Variants in IGSF11 observed in about 807,000 individuals in gnomAD.
The protein encoded by IGSF11 is CXADR like 1.
Under a neutral mutation model 41.0 loss-of-function variants are expected in IGSF11, and 22 were observed. That is an observed-to-expected ratio of 0.54 (90% CI 0.38 to 0.77). The LOEUF (loss-of-function observed/expected upper bound fraction) is 0.77, where lower values mean the gene tolerates loss of function less well. Ranked by LOEUF, IGSF11 falls within the 30% of genes least tolerant of loss-of-function variation. The probability of loss-of-function intolerance (pLI) is 0.00; values close to 1 mark genes in which losing one functional copy is unlikely to be tolerated. For synonymous variants in IGSF11, 219 were observed against 201.3 expected (o/e 1.09, Z -0.74); for missense variants, 444 against 530.8 (o/e 0.84, Z 1.61).
intron 1 of IGSF11, among the ~76,000 whole-genome samples, chr3:118,990,833 T>A (rs1353917315): frequency 1.3e-5 from 2 of 152,188 alleles, no homozygotes; most frequent in Admixed American, 6.5e-5. Flanking sequence ...AGAGAAATCC[T>A]GTGGGTTCAG....
At chr3:118,971,022 C>G (rs1933351674) in intron 1 of IGSF11, among the ~76,000 whole-genome samples, 1 of 152,186 alleles carries the variant, frequency 6.6e-6, no homozygotes, top group South Asian at 2.1e-4. Context: ...CCTGCCAAAG[C>G]CCAGGGGTGA....
At chr3:119,116,837 G>T (rs1015815319) in intron 1 of IGSF11, among the ~76,000 whole-genome samples, 1 of 152,008 alleles carries the variant, frequency 6.6e-6, no homozygotes, top group Non-Finnish European at 1.5e-5. Context: ...TCTCCACCTG[G>T]ACCTGATGGC....
At chr3:119,107,746 C>T (rs1158468171), upstream of IGSF11, among the ~76,000 whole-genome samples, 43 of 151,938 alleles carry the variant, frequency 2.8e-4, no homozygotes, top group East Asian at 5.0e-3. Context: ...CTTTAATCCA[C>T]CTTGAATTAA....
intron 1 of IGSF11, among the ~76,000 whole-genome samples, chr3:118,978,458 C>T (rs966429096): frequency 6.6e-6 from 1 of 152,192 alleles, no homozygotes; most frequent in Non-Finnish European, 1.5e-5. Context: ...TGCCTGGTAC[C>T]TCAACAATCC....
intron 1 of IGSF11, among the ~76,000 whole-genome samples, chr3:119,133,631 TA>T (rs886146367): frequency 2.0e-5 from 3 of 152,152 alleles, no homozygotes; most frequent in African/African-American, 7.2e-5. Flanking sequence ...AGCCAAATTC[TA>T]AAAGAGGTAC....
chr3:119,001,994 G>T (rs1936942010), intron 1 of IGSF11, among the ~76,000 whole-genome samples: 1 of 130,074 alleles, frequency 7.7e-6, no homozygotes, highest in Non-Finnish European at 1.6e-5. Context: ...CCCAGTAATG[G>T]GATGGCTGGG....
chr3:119,072,478 G>T (rs951371299), intron 1 of IGSF11, among the ~76,000 whole-genome samples: 1 of 152,182 alleles, frequency 6.6e-6, no homozygotes, highest in Non-Finnish European at 1.5e-5. Context: ...GACCCTCGCG[G>T]TGAGTGTTAC....
chr3:119,055,480 G>C (rs565927174), intron 1 of IGSF11, among the ~76,000 whole-genome samples: 18 of 152,302 alleles, frequency 1.2e-4, no homozygotes, highest in Admixed American at 7.8e-4. Flanking sequence ...CAAGTCCTTA[G>C]TGACCTACAA....
At chr3:118,913,624 T>C (rs1009193339) in intron 4 of IGSF11, among the ~76,000 whole-genome samples, 7 of 151,776 alleles carry the variant, frequency 4.6e-5, no homozygotes, top group Non-Finnish European at 7.4e-5. Flanking sequence ...ACAACACTCA[T>C]AGATCATCAA....
intron 1 of IGSF11, among the ~76,000 whole-genome samples, chr3:119,067,964 A>G (rs1278728732): frequency 2.0e-5 from 3 of 152,252 alleles, no homozygotes; most frequent in Non-Finnish European, 4.4e-5. Flanking sequence ...ATCTACATAC[A>G]TCTTACCTGT....
intron 1 of IGSF11, among the ~76,000 whole-genome samples, chr3:118,959,759 C>T (rs1386233861): frequency 6.6e-6 from 1 of 152,058 alleles, no homozygotes; most frequent in East Asian, 1.9e-4. Context: ...TAAGAAACAA[C>T]AAATGTGGGC....
intron 1 of IGSF11, among the ~76,000 whole-genome samples, chr3:119,122,185 T>C (rs1240600277): frequency 3.9e-5 from 6 of 152,218 alleles, no homozygotes; most frequent in Admixed American, 3.9e-4. Context: ...TTGCTGATGT[T>C]ACCCCTTCCC....
chr3:119,126,555 C>T (rs865971257), intron 1 of IGSF11, among the ~76,000 whole-genome samples: 1 of 152,170 alleles, frequency 6.6e-6, no homozygotes, highest in Middle Eastern at 3.2e-3. Context: ...CTCCCTGTAC[C>T]ACCCAACTGG....
At chr3:119,071,586 T>G (rs1409518602) in intron 1 of IGSF11, among the ~76,000 whole-genome samples, 1 of 152,216 alleles carries the variant, frequency 6.6e-6, no homozygotes, top group Non-Finnish European at 1.5e-5. Flanking sequence ...AGACTATTCT[T>G]TTCCCATTGA....
chr3:119,108,566 TG>T (rs2077079515), upstream of IGSF11, among the ~76,000 whole-genome samples: 1 of 142,832 alleles, frequency 7.0e-6, no homozygotes, highest in Non-Finnish European at 1.5e-5. Context: ...TTTTCCTAAT[TG>T]AATACCCTTT....
chr3:119,030,331 C>T (rs1438565169), intron 1 of IGSF11, among the ~76,000 whole-genome samples: 2 of 152,070 alleles, frequency 1.3e-5, no homozygotes, highest in African/African-American at 2.4e-5. Flanking sequence ...GTGAGGCAGA[C>T]CCATACTGTA....
At chr3:119,078,083 G>A (rs2076530016) in intron 1 of IGSF11, among the ~76,000 whole-genome samples, 1 of 152,068 alleles carries the variant, frequency 6.6e-6, no homozygotes, top group African/African-American at 2.4e-5. Context: ...TTATTAATAT[G>A]GCCATACAGC....
upstream of IGSF11, among the ~76,000 whole-genome samples, chr3:119,106,214 A>G (rs1323792444): frequency 1.3e-5 from 2 of 152,158 alleles, no homozygotes. Context: ...CAAACAATCC[A>G]TTTATACTTT....
intron 1 of IGSF11, among the ~76,000 whole-genome samples, chr3:119,053,590 C>T (rs1576736974): frequency 6.6e-6 from 1 of 152,072 alleles, no homozygotes; most frequent in South Asian, 2.1e-4. Context: ...GACCATACTG[C>T]CAAAAGCAAT....
Sources: allele counts gnomAD v4.1 joint callset (sites outside exome capture counted in the v4.1 genomes callset), GRCh38; gene constraint gnomAD v4.1.1; transcripts MANE v1.5; gene names NCBI Gene and HGNC (gene_info 2026-07-23, HGNC 2026-07-21).